SACS: variants seen among roughly 807,000 people sequenced by gnomAD.
The protein encoded by SACS is sacsin molecular chaperone.
SACS carries 197 observed loss-of-function variants against 348.0 expected under a neutral mutation model. The ratio of observed to expected loss-of-function variants is 0.57; its 90% confidence interval spans 0.50 to 0.64. The LOEUF is 0.64. Ranked by LOEUF, SACS falls within the 30% of genes least tolerant of loss-of-function variation. The pLI is 0.00. For synonymous variants in SACS, 1,985 were observed against 1,910.6 expected (o/e 1.04, Z -1.02); for missense variants, 4,999 against 5,360.8 (o/e 0.93, Z 2.11).
chr13:23,349,660 C>A (rs957351078), intron 9 of SACS, among the ~76,000 whole-genome samples: 4 of 152,162 alleles, frequency 2.6e-5, no homozygotes, highest in Non-Finnish European at 4.4e-5. Context: ...TCTGCTCAAT[C>A]CTTATTTCAT....
Position 23,339,671 on chromosome 13 carries a change from T to A in SACS, c.4205A>T (p.Asp1402Val). 1 of 1,613,884 alleles carries A rather than the reference T, an allele frequency of 6.2e-7. No individual in the cohort carries two copies. Among genetic ancestry groups the A allele is most frequent in the Non-Finnish European group, 8.5e-7 (1 of 1,179,864 alleles). ...MKPIHECCYCDIKVDDLNDLL... is the reference protein window; with the variant it reads ...MKPIHECCYCVIKVDDLNDLL... Reference sequence around the variant, plus strand: ...GTCATTAAGGTCATCAACTTTAATGTCACAATAACAGCATTCGTGAATTGG... The same window carrying A: ...GTCATTAAGGTCATCAACTTTAATGACACAATAACAGCATTCGTGAATTGG... The change falls in exon 10 of 10, where the codon GAC becomes GTC. Residue 1402 changes from aspartate (D) to valine (V), a missense_variant. Transcript: ENST00000382292.
intron 1 of SACS, chr13:23,428,696 CAAT>C (rs1039679262): frequency 2.0e-5 from 3 of 152,106 alleles, no homozygotes; most frequent in African/African-American, 7.2e-5. Flanking sequence ...TACTGTATTT[CAAT>C]AATAAGAAAA....
rs1286784591 is a variant in SACS at position 23,331,066 on chromosome 13, G to A, written c.12810C>T (p.Thr4270=). ...STPTSPTEFL[T]PGLRSIPPLF... is the part of the protein sequence containing the mutation. ...GAGGAGGAATGCTTCTCAGGCCAGG[G>A]GTGAGGAACTCAGTGGGGCTGGTTG... Residue 4270 remains threonine, a synonymous_variant, in exon 10 of 10, where the codon ACC becomes ACT. Coordinates refer to ENST00000382292, the MANE Select transcript of SACS (RefSeq NM_014363.6). 3.7e-6 allele frequency: 6 copies of A among 1,614,038 alleles called. No homozygotes were observed. The East Asian group carries it at 1.1e-4, about 30-fold the overall frequency.
intron 2 of SACS, among the ~76,000 whole-genome samples, chr13:23,380,839 C>T (rs1593164608): frequency 6.6e-6 from 1 of 152,096 alleles, no homozygotes; most frequent in Admixed American, 6.6e-5. Context: ...AAAAGATGAC[C>T]CGAGGGGACA....
chr13:23,337,510 C>A lies in SACS; in HGVS notation c.6366G>T (p.Lys2122Asn). 1 of 1,613,838 alleles carries A rather than the reference C, an allele frequency of 6.2e-7. No individual in the cohort carries two copies. Among genetic ancestry groups the A allele is most frequent in the Non-Finnish European group, 8.5e-7 (1 of 1,179,892 alleles). ...RLIHPEGRVA[K>N]LFDIKDGRFP... ...ATCTCCCATCTTTAATATCAAATAA[C>A]TTTGCAACTCGTCCTTCGGGGTGGA... The change falls in exon 10 of 10, where the codon AAG (lysine) becomes AAT (asparagine). Residue 2122 changes from lysine to asparagine, a missense_variant. By Grantham distance (94) the Lys-to-Asn change is moderately conservative. Around this residue, in one of 6 missense-constraint regions of SACS, gnomAD observed 3,156 missense variants for 3,380.1 expected, o/e 0.93. Transcript: ENST00000382292.
At chr13:23,422,462 TGAA>T (rs1285258716) in intron 1 of SACS, among the ~76,000 whole-genome samples, 4 of 152,208 alleles carry the variant, frequency 2.6e-5, no homozygotes, top group Non-Finnish European at 4.4e-5. Flanking sequence ...AATCTGTGCA[TGAA>T]GAAGCTTTGT....
At chr13:23,429,203 T>C (rs186615078) in intron 1 of SACS, among the ~76,000 whole-genome samples, 1 of 152,254 alleles carries the variant, frequency 6.6e-6, no homozygotes, top group Admixed American at 6.5e-5. Flanking sequence ...AATATCTTAA[T>C]TGATATTATC....
Position 23,340,357 on chromosome 13 carries a change from C to T in SACS, c.3519G>A (p.Trp1173Ter). Residue 1173 changes from tryptophan (W) to a stop codon, truncating the protein, a stop_gained, in exon 10 of 10, where the codon TGG becomes TGA. Coordinates refer to ENST00000382292, the MANE Select transcript of SACS (RefSeq NM_014363.6). LOFTEE classifies it high-confidence loss of function. ...CACAGAGATTACAGAGATCTCCTTT[C>T]CAGACCAAAGAGCCTGGATAATTTG... ...RPPNYPGSLV[W>*]KGDLCNLCAP... The T allele has an allele frequency of 6.2e-7, 1 of 1,613,950 alleles. No homozygotes were observed. Among genetic ancestry groups the T allele is most frequent in the Non-Finnish European group, 8.5e-7 (1 of 1,179,954 alleles).
In SACS at chr13:23,337,244, TGATA is replaced by T. The variant is rs1566065627; in HGVS notation, c.6628_6631del (p.Tyr2210LysfsTer9). 1 of 1,613,980 alleles carries T rather than the reference TGATA, an allele frequency of 6.2e-7. No individual in the cohort carries two copies. Among genetic ancestry groups the T allele is most frequent in the East Asian group, 2.2e-5 (1 of 44,864 alleles). On this transcript the variant is annotated frameshift_variant, in exon 10 of 10. Coordinates refer to ENST00000382292, the MANE Select transcript of SACS (RefSeq NM_014363.6). LOFTEE classifies it high-confidence loss of function. The stretch of plus-strand genomic sequence containing the variant: ...CAGAAATGGAAGGAAGCGGATTGTT[TGATA>T]TTTTGCAGCAAAATCCTTTGCTCTA...
chr13:23,332,592 C>G lies in SACS; in HGVS notation c.11284G>C (p.Asp3762His), dbSNP rs753683065. ...GCTCTAGTTTTTACCATTTCTTCAT[C>G]CAACGTCGTTATGTTGCATATGTTT... is the stretch of plus-strand genomic sequence containing the variant. ...CRNICNITTL[D>H]EEMVKTRAKV... is the part of the protein sequence containing the mutation. The change falls in exon 10 of 10, where the codon GAT becomes CAT. Residue 3762 changes from aspartate to histidine, a missense_variant. Coordinates refer to ENST00000382292, the MANE Select transcript of SACS (RefSeq NM_014363.6). 6.2e-7 allele frequency: 1 copy of G among 1,613,568 alleles called. No individual in the cohort carries two copies. The highest frequency in any genetic ancestry group is 8.5e-7 in the Non-Finnish European group (1 of 1,179,912).
intron 4 of SACS, among the ~76,000 whole-genome samples, chr13:23,369,662 A>G (rs1478132116): frequency 2.0e-5 from 3 of 151,330 alleles, no homozygotes; most frequent in African/African-American, 7.3e-5. Context: ...CCCCTGCCTC[A>G]GCCTCCTGAG....
chr13:23,358,042 C>T (rs568795713), intron 7 of SACS, among the ~76,000 whole-genome samples: 23 of 152,228 alleles, frequency 1.5e-4, no homozygotes, highest in African/African-American at 5.5e-4. Context: ...ATTTTGTGTT[C>T]AAAAGCTGTA....
chr13:23,367,552 G>A (rs1266645559), intron 5 of SACS, among the ~76,000 whole-genome samples: 2 of 152,198 alleles, frequency 1.3e-5, no homozygotes, highest in African/African-American at 4.8e-5. Flanking sequence ...TCCCATTATT[G>A]CTTTCTTTGA....
In SACS at chr13:23,355,192, G is replaced by C. The variant is rs746704660; in HGVS notation, c.1420C>G (p.Arg474Gly). The C allele has an allele frequency of 6.2e-7, 1 of 1,614,114 alleles. No homozygotes were observed. Among genetic ancestry groups the C allele is most frequent in the East Asian group, 2.2e-5 (1 of 44,886 alleles). ...ISGFFGLTDNRRSIKWRELDQ... is the reference protein window; with the variant it reads ...ISGFFGLTDNGRSIKWRELDQ... ...AGCTCTCTCCATTTTATGCTCCTGC[G>C]GTTATCAGTAAGGCCAAAGAACCCA... Residue 474 changes from arginine (R) to glycine (G), a missense_variant, in exon 8 of 10, where the codon CGC becomes GGC. By Grantham distance (125) the Arg-to-Gly change is moderately radical. Coordinates refer to ENST00000382292, the MANE Select transcript of SACS (RefSeq NM_014363.6).
At chr13:23,395,348 T>C (rs7996673) in intron 2 of SACS, among the ~76,000 whole-genome samples, 3,418 of 152,278 alleles carry the variant, frequency 0.022, 112 homozygotes, top group African/African-American at 0.078. Context: ...GTCCACTTCC[T>C]TCCTTATGGC....
rs751032814 is a variant in SACS, at chr13:23,341,323, G to A, written c.2553C>T (p.Val851=). The A allele has an allele frequency of 6.2e-7, 1 of 1,606,068 alleles. No individual in the cohort carries two copies. The highest frequency in any genetic ancestry group is 1.1e-5 in the South Asian group (1 of 89,620). The change falls in exon 10 of 10, where the codon GTC becomes GTT. Residue 851 remains valine (V), a synonymous_variant. Transcript: ENST00000382292. ...GTATAGATGCATCTAATTTTTTAAG[G>A]ACAAACCCTCCAAGTTTTTGTACAA... ...ADIVQKLGGF[V]LKKLDASIQH...
chr13:23,353,684 G>T (rs918966873), intron 9 of SACS, 101 bp downstream of exon 9: 2 of 683,406 alleles, frequency 2.9e-6, no homozygotes, highest in Non-Finnish European at 5.1e-6. Flanking sequence ...TGAGCCATAA[G>T]AAATTGTTGA....
chr13:23,381,784 C>T (rs1872069022), intron 2 of SACS, among the ~76,000 whole-genome samples: 1 of 119,492 alleles, frequency 8.4e-6, no homozygotes, highest in African/African-American at 2.6e-5. Flanking sequence ...AAAATAAAAA[C>T]AAGTTTTTAA....
intron 2 of SACS, among the ~76,000 whole-genome samples, chr13:23,407,556 C>T (rs1020021590): frequency 1.3e-5 from 2 of 152,096 alleles, no homozygotes; most frequent in Non-Finnish European, 2.9e-5. Context: ...AGCAAATATC[C>T]TCTATCACCA....
Sources: allele counts gnomAD v4.1 joint callset (sites outside exome capture counted in the v4.1 genomes callset), GRCh38; gene constraint gnomAD v4.1.1; regional missense constraint gnomAD v4.1.1; transcripts MANE v1.5; gene names NCBI Gene and HGNC (gene_info 2026-07-23, HGNC 2026-07-21).